SLC45A4: variants seen among roughly 807,000 people sequenced by gnomAD.
The protein encoded by SLC45A4 is polyamine-transporter SLC45A4.
Under a neutral mutation model 63.7 loss-of-function variants are expected in SLC45A4, and 32 were observed. The observed-to-expected ratio is 0.50, with a 90% confidence interval of 0.38 to 0.67. SLC45A4 has a LOEUF of 0.67. Ranked by LOEUF, SLC45A4 falls within the 30% of genes least tolerant of loss-of-function variation. The pLI is 0.00. For missense variants in SLC45A4, 1,027 were observed against 1,157.7 expected, an observed-to-expected ratio of 0.89 and a Z score of 1.64; for synonymous variants, 535 against 510.0, an observed-to-expected ratio of 1.05 and a Z score of -0.66.
intron 2 of SLC45A4, chr8:141,228,325 A>C: frequency 6.2e-7 from 1 of 1,601,304 alleles, no homozygotes; most frequent in Non-Finnish European, 8.5e-7. Flanking sequence ...CCAGGGGGCC[A>C]CTGTTTCTCC....
intron 1 of SLC45A4, among the ~76,000 whole-genome samples, chr8:141,292,010 T>G (rs996348599): frequency 5.9e-5 from 9 of 152,258 alleles, no homozygotes; most frequent in Non-Finnish European, 1.2e-4. Context: ...GGCCACCGCG[T>G]TGGCCCTCAG....
chr8:141,216,816 G>A (rs1386709968), intron 6 of SLC45A4, among the ~76,000 whole-genome samples: 1 of 152,206 alleles, frequency 6.6e-6, no homozygotes, highest in African/African-American at 2.4e-5. Context: ...CACCATTGAC[G>A]TGGGACAGCA....
chr8:141,254,772 G>A lies in SLC45A4; in HGVS notation c.-400-143C>T. ...CACAGCTCTCTGCCACTCACTCTGGGTACGTCTGTGCAAATAACCAAACCT... is the reference window on the plus strand; with the variant it reads ...CACAGCTCTCTGCCACTCACTCTGGATACGTCTGTGCAAATAACCAAACCT... On this transcript the variant is annotated intron_variant, in intron 1 of 8. Transcript: ENST00000517878. The surrounding 1 kb of genome is among the most constrained non-coding windows in gnomAD (Gnocchi z 4.5). 1.5e-6 allele frequency: 1 copy of A among 658,948 alleles called. No individual in the cohort carries two copies. Among genetic ancestry groups the A allele is most frequent in the Non-Finnish European group, 2.8e-6 (1 of 356,922 alleles). The allele number at this position is 658,948 out of a possible 1,614,324, so 40.8% of individuals were successfully genotyped here. A position where few individuals can be genotyped will look rare whatever the true frequency, so the allele number is the denominator to read the frequency against.
At chr8:141,240,210 A>C (rs1156934691) in intron 2 of SLC45A4, among the ~76,000 whole-genome samples, 1 of 152,242 alleles carries the variant, frequency 6.6e-6, no homozygotes, top group African/African-American at 2.4e-5. Flanking sequence ...GACGTCACTT[A>C]TTCATTCTCG....
chr8:141,211,775 A>G (rs3739239), intron 8 of SLC45A4, 78 bp from the exon 9 acceptor site: 173,831 of 1,407,842 alleles, frequency 0.12, 12,248 homozygotes, highest in East Asian at 0.32. Flanking sequence ...GATAAGACTT[A>G]GCAGAGAATG....
chr8:141,275,685 C>T (rs905900957), intron 1 of SLC45A4, among the ~76,000 whole-genome samples: 1 of 151,672 alleles, frequency 6.6e-6, no homozygotes, highest in African/African-American at 2.4e-5. Context: ...CTTAAATATC[C>T]AAAAAAGATT....
chr8:141,274,086 G>A (rs993023372), intron 1 of SLC45A4, among the ~76,000 whole-genome samples: 10 of 151,926 alleles, frequency 6.6e-5, no homozygotes, highest in African/African-American at 2.4e-4. Context: ...AAAAATAGCT[G>A]GGCGTGGTGG....
At chr8:141,297,794 C>T (rs1830613902) in intron 1 of SLC45A4, among the ~76,000 whole-genome samples, 1 of 152,174 alleles carries the variant, frequency 6.6e-6, no homozygotes, top group Non-Finnish European at 1.5e-5. Context: ...GGCTAGTTCA[C>T]TTGTTGAAAA....
At chr8:141,220,889 C>T (rs555058329) in intron 3 of SLC45A4, among the ~76,000 whole-genome samples, 1 of 152,230 alleles carries the variant, frequency 6.6e-6, no homozygotes, top group Non-Finnish European at 1.5e-5. Flanking sequence ...CCGCGCCCAG[C>T]AGGCGCCAGG....
chr8:141,237,216 C>G (rs1217158274), intron 2 of SLC45A4, among the ~76,000 whole-genome samples: 4 of 152,190 alleles, frequency 2.6e-5, no homozygotes. Flanking sequence ...AAGGCAGAAT[C>G]GCTCAGGTTT....
At chr8:141,249,057 C>T (rs1426207936) in intron 2 of SLC45A4, among the ~76,000 whole-genome samples, 1 of 150,466 alleles carries the variant, frequency 6.6e-6, no homozygotes, top group African/African-American at 2.4e-5. Flanking sequence ...ATTAAAGCTG[C>T]AATGAGATAT....
intron 2 of SLC45A4, among the ~76,000 whole-genome samples, chr8:141,250,091 T>C (rs538368756): frequency 1.3e-5 from 2 of 152,322 alleles, no homozygotes; most frequent in East Asian, 1.9e-4. Context: ...TGGAGGTTTA[T>C]ATGGAATCTA....
At chr8:141,292,492 C>T (rs896636834) in intron 1 of SLC45A4, among the ~76,000 whole-genome samples, 5 of 152,230 alleles carry the variant, frequency 3.3e-5, no homozygotes, top group African/African-American at 9.6e-5. Flanking sequence ...ACAGGCTCCT[C>T]GGGTCCCTCC....
chr8:141,263,525 T>C (rs1589829271), intron 1 of SLC45A4, among the ~76,000 whole-genome samples: 1 of 151,918 alleles, frequency 6.6e-6, no homozygotes, highest in East Asian at 1.9e-4. Context: ...CCCAGCATTT[T>C]GGGAGGCCGA....
chr8:141,273,306 G>A (rs1355361221), intron 1 of SLC45A4, among the ~76,000 whole-genome samples: 1 of 152,170 alleles, frequency 6.6e-6, no homozygotes, highest in Non-Finnish European at 1.5e-5. Flanking sequence ...CCTGGTGTGT[G>A]TGCCAGGGTC....
intron 1 of SLC45A4, among the ~76,000 whole-genome samples, chr8:141,297,547 A>T (rs1830601473): frequency 6.6e-6 from 1 of 152,194 alleles, no homozygotes; most frequent in Non-Finnish European, 1.5e-5. Context: ...CTTAATCAAA[A>T]ACCTATCTGA....
chr8:141,275,838 A>G (rs1335303080), intron 1 of SLC45A4, among the ~76,000 whole-genome samples: 3 of 152,182 alleles, frequency 2.0e-5, no homozygotes, highest in Non-Finnish European at 4.4e-5. Context: ...TTCTTTAGAA[A>G]GGTACGGATG....
chr8:141,254,410 G>GA lies in SLC45A4; in HGVS notation c.-182dup, dbSNP rs1259761067. The stretch of plus-strand genomic sequence containing the variant: ...CTCACAACTTCTCACAACGGTATGA[G>GA]ACATGCAGCAACACAGAACGATTTT... On this transcript the variant is annotated 5_prime_UTR_variant, in exon 2 of 9. It introduces an in-frame stop codon into an upstream open reading frame of the 5' UTR. Transcript: ENST00000517878. The surrounding 1 kb of genome is among the most constrained non-coding windows in gnomAD (Gnocchi z 4.5). 15 of 722,874 alleles carry GA rather than the reference G, an allele frequency of 2.1e-5. No individual in the cohort carries two copies. The East Asian group carries it at 3.8e-4, about 18-fold the overall frequency. The allele number at this position is 722,874 out of a possible 1,614,324, so 44.8% of individuals were successfully genotyped here.
intron 1 of SLC45A4, among the ~76,000 whole-genome samples, chr8:141,301,230 T>C (rs10111848): frequency 0.097 from 14,744 of 152,204 alleles, 843 homozygotes; most frequent in Middle Eastern, 0.16. Flanking sequence ...TTAAGGCACC[T>C]TAAACGGGCC....
Sources: allele counts gnomAD v4.1 joint callset (sites outside exome capture counted in the v4.1 genomes callset), GRCh38; gene constraint gnomAD v4.1.1; non-coding constraint Gnocchi (gnomAD v3.1); transcripts MANE v1.5; gene names NCBI Gene and HGNC (gene_info 2026-07-23, HGNC 2026-07-21).